WWOX: variants seen among roughly 807,000 people sequenced by gnomAD.
The protein encoded by WWOX is WW domain-containing oxidoreductase.
Under a neutral mutation model 46.2 loss-of-function variants are expected in WWOX, and 69 were observed. The ratio of observed to expected loss-of-function variants is 1.49; its 90% CI spans 1.23 to 1.82. WWOX has a LOEUF of 1.82. WWOX is among the 40% of genes most tolerant of loss of function. The probability of loss-of-function intolerance (pLI) is 0.00; values close to 1 mark genes in which losing one functional copy is unlikely to be tolerated. For synonymous variants in WWOX, 359 were observed against 202.6 expected (o/e 1.77, Z -6.56); for missense variants, 919 against 542.6 (o/e 1.69, Z -6.89).
intron 8 of WWOX, among the ~76,000 whole-genome samples, chr16:78,799,389 G>A (rs888451301): frequency 3.3e-5 from 5 of 152,214 alleles, no homozygotes; most frequent in Admixed American, 2.0e-4. Flanking sequence ...TCACACGTCT[G>A]TGCTTGCTGG....
chr16:78,303,991 A>G (rs530181911), intron 5 of WWOX, among the ~76,000 whole-genome samples: 1 of 152,360 alleles, frequency 6.6e-6, no homozygotes, highest in Non-Finnish European at 1.5e-5. Flanking sequence ...TTAGCATGAA[A>G]TAGTTTTACT....
At chr16:78,715,391 G>A (rs1181113039) in intron 8 of WWOX, among the ~76,000 whole-genome samples, 1 of 152,126 alleles carries the variant, frequency 6.6e-6, no homozygotes, top group Non-Finnish European at 1.5e-5. Flanking sequence ...TTCTGGGATC[G>A]TAGATGGCCA....
intron 8 of WWOX, among the ~76,000 whole-genome samples, chr16:78,635,066 T>C (rs963982696): frequency 3.9e-5 from 6 of 152,106 alleles, no homozygotes; most frequent in African/African-American, 1.4e-4. Context: ...TTTCCCCCTC[T>C]TACAGATAGG....
chr16:79,006,050 G>T (rs767403161), intron 8 of WWOX, among the ~76,000 whole-genome samples: 1 of 152,186 alleles, frequency 6.6e-6, no homozygotes, highest in Non-Finnish European at 1.5e-5. Context: ...GCTCAGCGCT[G>T]AGTGAACCCA....
At chr16:78,354,229 C>G (rs1256353760) in intron 5 of WWOX, among the ~76,000 whole-genome samples, 1 of 150,888 alleles carries the variant, frequency 6.6e-6, no homozygotes, top group East Asian at 2.0e-4. Context: ...CACCCCAGCA[C>G]CCCCCCACCC....
rs76614439 is a variant in WWOX, at chr16:78,930,831, C to T, written c.1057-280777C>T. Reference sequence around the variant, plus strand: ...GAGTACCCGCTGTTCATAGGTCAGTCGCTATGCAAGGCACTGAGGTGACAA... The same window carrying T: ...GAGTACCCGCTGTTCATAGGTCAGTTGCTATGCAAGGCACTGAGGTGACAA... On this transcript the variant is annotated intron_variant, in intron 8 of 8. Transcript: ENST00000566780. 4.8e-3 allele frequency among the ~76,000 whole-genome samples: 728 copies of T among 152,130 alleles called. 3 individuals carry two copies. Among genetic ancestry groups the T allele is most frequent in the Non-Finnish European group, 8.0e-3 (545 of 67,998 alleles).
At chr16:79,191,220 A>T (rs1019770746) in intron 8 of WWOX, among the ~76,000 whole-genome samples, 3 of 151,276 alleles carry the variant, frequency 2.0e-5, no homozygotes, top group African/African-American at 7.3e-5. Context: ...CACCTGGCTA[A>T]TTTTTTTTGT....
At chr16:78,444,571 C>A (rs1362493911) in intron 8 of WWOX, among the ~76,000 whole-genome samples, 1 of 148,396 alleles carries the variant, frequency 6.7e-6, no homozygotes. Context: ...CACTCTGTCA[C>A]CAGGCTAGAG....
rs2151900052 is a variant in WWOX, at chr16:78,341,506, G to A, written c.517-45354G>A. Among the ~76,000 whole-genome samples, 2 of 119,142 alleles carry A rather than the reference G, an allele frequency of 1.7e-5. 1 individual carries two copies. Among genetic ancestry groups the A allele is most frequent in the African/African-American group, 5.7e-5 (2 of 35,212 alleles). The allele number at this position is 119,142 out of a possible 152,430, so 78.2% of individuals were successfully genotyped here. ...CGTGAGTATTATGTTTTATTTTGCT[G>A]GGAGAACAATTTGGGAAAATTTGAG... On this transcript the variant is annotated intron_variant, in intron 5 of 8. Transcript: ENST00000566780.
chr16:78,573,000 A>C (rs934786513), intron 8 of WWOX, among the ~76,000 whole-genome samples: 5 of 152,182 alleles, frequency 3.3e-5, no homozygotes, highest in African/African-American at 9.7e-5. Flanking sequence ...AAATTAAAAA[A>C]ATTATAGCCG....
chr16:78,868,170 C>T (rs531072886), intron 8 of WWOX, among the ~76,000 whole-genome samples: 47 of 152,174 alleles, frequency 3.1e-4, no homozygotes, highest in African/African-American at 8.7e-4. Flanking sequence ...TGTAGTCTAT[C>T]GACACAATGG....
chr16:78,299,521 CTT>C (rs997647456), intron 5 of WWOX, among the ~76,000 whole-genome samples: 34 of 141,684 alleles, frequency 2.4e-4, no homozygotes, highest in Non-Finnish European at 2.3e-4. Context: ...CTTTTCTTTT[CTT>C]TTTTTTTTTT....
chr16:78,559,228 A>G (rs1238801933), intron 8 of WWOX, among the ~76,000 whole-genome samples: 4 of 152,206 alleles, frequency 2.6e-5, no homozygotes, highest in African/African-American at 9.6e-5. Context: ...ATGTTGTGGT[A>G]TCTCACATAA....
intron 8 of WWOX, among the ~76,000 whole-genome samples, chr16:78,948,089 T>A (rs1057033106): frequency 2.0e-5 from 3 of 152,182 alleles, no homozygotes; most frequent in Admixed American, 1.3e-4. Flanking sequence ...TTCAACTCCA[T>A]CCGTGCAGCT....
At chr16:79,058,187 A>G (rs985747096) in intron 8 of WWOX, among the ~76,000 whole-genome samples, 1 of 151,674 alleles carries the variant, frequency 6.6e-6, no homozygotes, top group South Asian at 2.1e-4. Context: ...GTGTACCTGT[A>G]TAGAGAGAGT....
At chr16:78,572,331 A>T (rs116210402) in intron 8 of WWOX, among the ~76,000 whole-genome samples, 3,093 of 152,318 alleles carry the variant, frequency 0.02, 113 homozygotes, top group African/African-American at 0.071. Flanking sequence ...ACAGTGGCCC[A>T]CACCTGTAAT....
At chr16:78,865,648 G>C (rs563760101) in intron 8 of WWOX, among the ~76,000 whole-genome samples, 1 of 152,170 alleles carries the variant, frequency 6.6e-6, no homozygotes, top group Non-Finnish European at 1.5e-5. Flanking sequence ...GGGAGGCTGA[G>C]GTGGGTGGAT....
At chr16:78,269,389 C>T (rs2079429994) in intron 5 of WWOX, among the ~76,000 whole-genome samples, 1 of 152,174 alleles carries the variant, frequency 6.6e-6, no homozygotes, top group African/African-American at 2.4e-5. Context: ...ATGTTAGTCC[C>T]TGCTCTGTGA....
intron 8 of WWOX, among the ~76,000 whole-genome samples, chr16:79,096,775 A>G (rs955319065): frequency 4.6e-5 from 7 of 152,166 alleles, no homozygotes; most frequent in Non-Finnish European, 8.8e-5. Flanking sequence ...CCCCATCACT[A>G]GGAACCTCAT....
Sources: allele counts gnomAD v4.1 joint callset (sites outside exome capture counted in the v4.1 genomes callset), GRCh38; gene constraint gnomAD v4.1.1; transcripts MANE v1.5; gene names NCBI Gene and HGNC (gene_info 2026-07-23, HGNC 2026-07-21).